Variants in DLG2 observed in about 807,000 individuals in gnomAD.
DLG2 encodes the protein disks large homolog 2.
DLG2 carries 45 observed loss-of-function variants against 132.5 expected under a neutral mutation model. The observed-to-expected ratio is 0.34, with a 90% CI of 0.27 to 0.44. The LOEUF is 0.44. DLG2 is among the 20% of genes least tolerant of loss of function. The pLI is 1.00. For missense variants in DLG2, 1,045 were observed against 1,196.9 expected (o/e 0.87, Z 1.87); for synonymous variants, 424 against 419.6 (o/e 1.01, Z -0.13).
intron 6 of DLG2, among the ~76,000 whole-genome samples, chr11:84,804,954 A>T (rs115568748): frequency 6.6e-6 from 1 of 152,102 alleles, no homozygotes; most frequent in African/African-American, 2.4e-5. Context: ...GGGAGCTTAG[A>T]TCTCCACTCC....
intron 4 of DLG2, among the ~76,000 whole-genome samples, chr11:85,193,711 T>C (rs1413962463): frequency 6.6e-6 from 1 of 152,258 alleles, no homozygotes; most frequent in Non-Finnish European, 1.5e-5. Context: ...TTGCCCATTT[T>C]TTTAAAATTG....
At chr11:84,362,023 T>C (rs962142665) in intron 7 of DLG2, among the ~76,000 whole-genome samples, 4 of 151,918 alleles carry the variant, frequency 2.6e-5, no homozygotes, top group Non-Finnish European at 5.9e-5. Context: ...AATAGCAAGA[T>C]AACATATTTA....
At chr11:83,709,757 G>T (rs12280860) in intron 18 of DLG2, among the ~76,000 whole-genome samples, 1 of 152,132 alleles carries the variant, frequency 6.6e-6, no homozygotes, top group African/African-American at 2.4e-5. Flanking sequence ...TGATGTATCT[G>T]GAAGTGATCC....
chr11:85,499,420 C>T (rs1442048470), intron 3 of DLG2, among the ~76,000 whole-genome samples: 1 of 152,054 alleles, frequency 6.6e-6, no homozygotes, highest in East Asian at 1.9e-4. Flanking sequence ...CTGAATAGAC[C>T]AATAATAGGT....
At chr11:83,899,058 T>C (rs2072649064) in intron 15 of DLG2, among the ~76,000 whole-genome samples, 1 of 152,146 alleles carries the variant, frequency 6.6e-6, no homozygotes, top group Admixed American at 6.5e-5. Flanking sequence ...GAGTACTTTT[T>C]GCATACAGTG....
Position 83,705,645 on chromosome 11 carries a change from A to G in DLG2, c.1826-72320T>C, listed in dbSNP as rs141858179. Among the ~76,000 whole-genome samples, 829 of 152,320 alleles carry G rather than the reference A, an allele frequency of 5.4e-3. 7 individuals carry two copies. Among genetic ancestry groups the G allele is most frequent in the African/African-American group, 0.017 (709 of 41,570 alleles). ...GTTGCTAACATTTAAAAAGAACAAC[A>G]AAATAAATCTAAGAATATAATCCTA... On this transcript the variant is annotated intron_variant, in intron 18 of 27. Transcript: ENST00000376104.
intron 17 of DLG2, among the ~76,000 whole-genome samples, chr11:83,808,847 C>T (rs540795711): frequency 6.6e-6 from 1 of 152,170 alleles, no homozygotes; most frequent in Admixed American, 6.5e-5. Flanking sequence ...TATACCCTCA[C>T]CCTTTCCTCC....
intron 7 of DLG2, among the ~76,000 whole-genome samples, chr11:84,396,692 T>G (rs1601399452): frequency 6.6e-6 from 1 of 152,218 alleles, no homozygotes; most frequent in Non-Finnish European, 1.5e-5. Context: ...GCAGATGAGA[T>G]GAGAGACTTG....
At chr11:83,836,905 T>A (rs898312200) in intron 16 of DLG2, among the ~76,000 whole-genome samples, 1 of 152,170 alleles carries the variant, frequency 6.6e-6, no homozygotes, top group Non-Finnish European at 1.5e-5. Context: ...AGCTCCCCCT[T>A]GATCACAGAA....
At chr11:85,098,517 T>G (rs1270264148) in intron 6 of DLG2, among the ~76,000 whole-genome samples, 1 of 152,202 alleles carries the variant, frequency 6.6e-6, no homozygotes, top group Non-Finnish European at 1.5e-5. Context: ...TAGCCCAGAA[T>G]GCATTTTTGC....
At chr11:84,554,639 G>A (rs2099408371) in intron 6 of DLG2, among the ~76,000 whole-genome samples, 2 of 152,018 alleles carry the variant, frequency 1.3e-5, no homozygotes, top group South Asian at 2.1e-4. Flanking sequence ...TCAGCCACTC[G>A]GGAAGCTGAG....
chr11:85,342,975 C>T (rs1245875504), intron 3 of DLG2, among the ~76,000 whole-genome samples: 1 of 152,066 alleles, frequency 6.6e-6, no homozygotes, highest in Non-Finnish European at 1.5e-5. Context: ...TGACTGTGTC[C>T]TCAGTTGGCT....
chr11:84,910,076 G>A (rs2091916051), intron 6 of DLG2, among the ~76,000 whole-genome samples: 1 of 152,198 alleles, frequency 6.6e-6, no homozygotes, highest in East Asian at 1.9e-4. Flanking sequence ...CTTGCTGACT[G>A]CAGTGGACTG....
intron 19 of DLG2, among the ~76,000 whole-genome samples, chr11:83,607,104 G>A (rs2059462023): frequency 6.6e-6 from 1 of 152,194 alleles, no homozygotes; most frequent in Admixed American, 6.5e-5. Context: ...GTGACATACA[G>A]AAAACAGAAG....
chr11:84,419,664 C>T (rs531417634), intron 7 of DLG2, among the ~76,000 whole-genome samples: 4 of 152,178 alleles, frequency 2.6e-5, no homozygotes, highest in African/African-American at 9.6e-5. Flanking sequence ...ATCCCCACCC[C>T]CAGACCAGTG....
chr11:85,016,347 T>A (rs1176823307), intron 6 of DLG2, among the ~76,000 whole-genome samples: 1 of 152,178 alleles, frequency 6.6e-6, no homozygotes, highest in Non-Finnish European at 1.5e-5. Context: ...CACTCCTTTT[T>A]CAACTCCTAT....
At chr11:85,193,904 T>A (rs1467196804) in intron 4 of DLG2, among the ~76,000 whole-genome samples, 1 of 152,226 alleles carries the variant, frequency 6.6e-6, no homozygotes, top group Non-Finnish European at 1.5e-5. Flanking sequence ...CTTGGTCATT[T>A]TGTCTGTCTT....
At chr11:85,278,449 A>T (rs1283808540) in intron 4 of DLG2, among the ~76,000 whole-genome samples, 1 of 152,106 alleles carries the variant, frequency 6.6e-6, no homozygotes, top group East Asian at 1.9e-4. Context: ...AAAAATACAA[A>T]ATTAGCTGGG....
intron 21 of DLG2, among the ~76,000 whole-genome samples, chr11:83,490,478 T>C (rs1238976479): frequency 1.3e-5 from 2 of 152,024 alleles, no homozygotes; most frequent in African/African-American, 4.8e-5. Context: ...TTTGTAATCA[T>C]CACTATAATA....
Sources: allele counts gnomAD v4.1 joint callset (sites outside exome capture counted in the v4.1 genomes callset), GRCh38; gene constraint gnomAD v4.1.1; transcripts MANE v1.5; gene names NCBI Gene and HGNC (gene_info 2026-07-23, HGNC 2026-07-21).